The following MYRF variants were observed in gnomAD, a reference collection of about 807,000 sequenced individuals.
MYRF encodes the protein myelin gene regulatory factor.
Under a neutral mutation model 126.3 loss-of-function variants are expected in MYRF, and 16 were observed. The ratio of observed to expected loss-of-function variants is 0.13; its 90% CI spans 0.09 to 0.19. MYRF has a LOEUF of 0.19. Among genes scored for constraint, MYRF ranks in the 10% least tolerant of loss-of-function variants. MYRF has a pLI of 1.00. For synonymous variants in MYRF, 608 were observed against 635.3 expected, an observed-to-expected ratio of 0.96 and a Z score of 0.65; for missense variants, 1,104 against 1,547.0, an observed-to-expected ratio of 0.71 and a Z score of 4.80.
intron 1 of MYRF, chr11:61,755,565 G>A (rs2065728150): frequency 8.0e-7 from 1 of 1,255,688 alleles, no homozygotes; most frequent in African/African-American, 1.5e-5. Flanking sequence ...CACTGAGAGT[G>A]GGGTGACCGT....
intron 1 of MYRF, among the ~76,000 whole-genome samples, chr11:61,764,176 C>T (rs184690296): frequency 2.0e-5 from 3 of 152,262 alleles, no homozygotes; most frequent in Admixed American, 6.5e-5. Flanking sequence ...CAGCGCGTGA[C>T]TCCTAGGAGG....
chr11:61,771,628 C>T lies in MYRF; in HGVS notation c.869C>T (p.Thr290Ile), dbSNP rs761179466. 1.9e-6 allele frequency: 3 copies of T among 1,614,012 alleles called. No individual in the cohort carries two copies. Among genetic ancestry groups the T allele is most frequent in the Non-Finnish European group, 2.5e-6 (3 of 1,179,996 alleles). Residue 290 changes from threonine (T) to isoleucine (I), a missense_variant, in exon 6 of 27, where the codon ACT (threonine) becomes ATT (isoleucine). This residue lies in a region of MYRF where 368 missense variants were observed against 403.9 expected (regional missense o/e 0.91). Transcript: ENST00000278836. The stretch of plus-strand genomic sequence containing the variant: ...GTGACAGCCCTGCCTCTGCACCCCA[C>T]TCGAGCCCCATCGCCACCCTGGCCT... Reference protein sequence around the residue: ...GTVTALPLHPTRAPSPPWPPQ... With the variant: ...GTVTALPLHPIRAPSPPWPPQ...
intron 1 of MYRF, among the ~76,000 whole-genome samples, chr11:61,755,128 G>A (rs2065711294): frequency 6.6e-6 from 1 of 152,212 alleles, no homozygotes; most frequent in Non-Finnish European, 1.5e-5. Flanking sequence ...TCGGCTCTGG[G>A]CTGGGAGACT....
chr11:61,787,183 G>C lies in MYRF; in HGVS notation c.*1040G>C, dbSNP rs969827613. On this transcript the variant is annotated 3_prime_UTR_variant, in exon 27 of 27. Coordinates refer to ENST00000278836, the MANE Select transcript of MYRF (RefSeq NM_001127392.3). Reference sequence around the variant, plus strand: ...GGGCAGGAAGGAATGGAAGGATGGAGCTAGAAAGCTCAGAGTGGGCCAGAG... The same window carrying C: ...GGGCAGGAAGGAATGGAAGGATGGACCTAGAAAGCTCAGAGTGGGCCAGAG... The C allele has an allele frequency of 2.0e-5, 3 of 152,706 alleles. No individual in the cohort carries two copies. Among genetic ancestry groups the C allele is most frequent in the Non-Finnish European group, 4.4e-5 (3 of 68,070 alleles). The allele number at this position is 152,706 out of a possible 1,614,324, so 9.5% of individuals were successfully genotyped here.
rs1310134957 is a variant in MYRF at position 61,777,776 on chromosome 11, C to T, written c.1834C>T (p.Leu612=). The change falls in exon 13 of 27, where the codon CTG becomes TTG. Residue 612 remains leucine (L), a synonymous_variant. Transcript: ENST00000278836. The surrounding 1 kb of genome is among the most constrained non-coding windows in gnomAD (Gnocchi z 8.8). ...ATTGAAGAGGATCTCGCGCATGCGG[C>T]TGGTGCACTACAGATACAAGCCCGA... The part of the protein sequence containing the change: ...EQLKRISRMR[L]VHYRYKPEFA... 2 of 1,552,196 alleles carry T rather than the reference C, an allele frequency of 1.3e-6. No homozygotes were observed. The highest frequency in any genetic ancestry group is 3.9e-5 in the Admixed American group (2 of 51,184).
At chr11:61,770,123 G>T in intron 4 of MYRF, 123 bp from the exon 5 acceptor site, 8 of 1,003,606 alleles carry the variant, frequency 8.0e-6, no homozygotes, top group Non-Finnish European at 1.1e-5. Context: ...GGGTAGGTGG[G>T]GGGCAGCCCC....
chr11:61,785,912 C>A, intron 26 of MYRF, 38 bp downstream of exon 26: 1 of 1,600,570 alleles, frequency 6.2e-7, no homozygotes. Flanking sequence ...GAGGTCTGGG[C>A]ACCCCTGTCT....
chr11:61,758,639 G>A (rs1435125286), intron 1 of MYRF, among the ~76,000 whole-genome samples: 1 of 152,224 alleles, frequency 6.6e-6, no homozygotes, highest in Non-Finnish European at 1.5e-5. Flanking sequence ...CACCTGTGAA[G>A]TGTGCTGAGG....
In MYRF at chr11:61,778,438, C is replaced by T. The variant is rs779827428; in HGVS notation, c.1962C>T (p.Asp654=). 142 of 1,614,094 alleles carry T rather than the reference C, an allele frequency of 8.8e-5. No individual in the cohort carries two copies. The highest frequency in any genetic ancestry group is 5.6e-5 in the Non-Finnish European group (66 of 1,179,990). ...ILPEAVKDTG[D]MVFANGKTIE... is the part of the protein sequence containing the mutation. The stretch of plus-strand genomic sequence containing the variant: ...CTGAGGCTGTGAAAGACACCGGAGA[C>T]ATGGTCTTTGCCAATGGGAAAACCA... The change falls in exon 14 of 27, where the codon GAC becomes GAT. Residue 654 remains aspartate, a synonymous_variant. Coordinates refer to ENST00000278836, the MANE Select transcript of MYRF (RefSeq NM_001127392.3). The surrounding 1 kb of genome is among the most constrained non-coding windows in gnomAD (Gnocchi z 4.6).
In MYRF at chr11:61,765,941, G is replaced by A. The variant is rs1565285563; in HGVS notation, c.135-17G>A. On this transcript the variant is annotated splice_polypyrimidine_tract_variant and intron_variant, in intron 2 of 26. Coordinates refer to ENST00000278836, the MANE Select transcript of MYRF (RefSeq NM_001127392.3). ...CTGGGGTCCTGGCTGGAGCTGAGCC[G>A]CCCCCCTTCCCCGCAGCTGCTTCCC... The A allele has an allele frequency of 1.0e-5, 15 of 1,484,784 alleles. No individual in the cohort carries two copies. In the East Asian group the frequency reaches 2.2e-4, roughly 21 times the overall value. 92.0% of individuals were successfully genotyped at this position (1,484,784 alleles called of 1,614,324 possible).
intron 22 of MYRF, 52 bp downstream of exon 22, chr11:61,781,876 G>T: frequency 8.1e-6 from 12 of 1,485,006 alleles, no homozygotes; most frequent in Non-Finnish European, 1.1e-5. Context: ...AGGCTCACTG[G>T]CCAGGGCCCA....
rs1291356697 is a variant in MYRF, at chr11:61,783,480, T to C, written c.3017-18T>C. The C allele has an allele frequency of 6.2e-7, 1 of 1,603,668 alleles. No individual in the cohort carries two copies. Among genetic ancestry groups the C allele is most frequent in the Non-Finnish European group, 8.5e-7 (1 of 1,171,462 alleles). The stretch of plus-strand genomic sequence containing the variant: ...CTCATTTGTGTCCTGCCTTGTCACC[T>C]TACTCCTGCCCCAACAGCCTCTCTC... On this transcript the variant is annotated intron_variant, in intron 22 of 26. Coordinates refer to ENST00000278836, the MANE Select transcript of MYRF (RefSeq NM_001127392.3). The surrounding 1 kb of genome is among the most constrained non-coding windows in gnomAD (Gnocchi z 4.6).
intron 4 of MYRF, among the ~76,000 whole-genome samples, chr11:61,769,891 G>T (rs2066162354): frequency 6.6e-6 from 1 of 152,110 alleles, no homozygotes; most frequent in South Asian, 2.1e-4. Context: ...GGCAGGCCTG[G>T]GCTGGGGGTC....
chr11:61,780,045 C>A, intron 17 of MYRF, 115 bp downstream of exon 17: 1 of 1,237,970 alleles, frequency 8.1e-7, no homozygotes. Flanking sequence ...CTTGGGAGAT[C>A]AGGCAGCTGA....
chr11:61,766,024 T>C lies in MYRF; in HGVS notation c.201T>C (p.Pro67=), dbSNP rs1381503523. ...ACTCCCACGGGCAGCCTGCGATGCC[T>C]GGCTCCAGCGGGGTCCACCACCTGA... is the stretch of plus-strand genomic sequence containing the variant. The part of the protein sequence containing the change: ...ASYSHGQPAM[P]GSSGVHHLSP... Residue 67 remains proline, a synonymous_variant, in exon 3 of 27, where the codon CCT becomes CCC. Transcript: ENST00000278836. The C allele has an allele frequency of 6.3e-7, 1 of 1,589,884 alleles. No homozygotes were observed. The highest frequency in any genetic ancestry group is 8.5e-7 in the Non-Finnish European group (1 of 1,170,324).
At position 61,757,433 on chromosome 11, in the gene MYRF, T is replaced by G. The variant is rs2065790613; in HGVS notation, c.46+4643T>G. ...GGGTTTCTGGGGTGATTAGGTAAGA[T>G]TGTGCCTGGCCTGGTGAACACTCCA... On this transcript the variant is annotated intron_variant, in intron 1 of 26. Transcript: ENST00000278836. This position sits in a 1 kb window ranked among gnomAD's most constrained non-coding sequence, Gnocchi z 4.7. 2.2e-6 allele frequency: 1 copy of G among 453,204 alleles called. No homozygotes were observed. The highest frequency in any genetic ancestry group is 2.4e-5 in the Admixed American group (1 of 42,444). The allele number at this position is 453,204 out of a possible 1,614,324, so 28.1% of individuals were successfully genotyped here.
Position 61,781,838 on chromosome 11 carries a change from C to T in MYRF, c.3016+14C>T, listed in dbSNP as rs779715007. 6.0e-5 allele frequency: 91 copies of T among 1,524,794 alleles called. No homozygotes were observed. Among genetic ancestry groups the T allele is most frequent in the Non-Finnish European group, 7.4e-5 (85 of 1,142,860 alleles). The allele number at this position is 1,524,794 out of a possible 1,614,324, so 94.5% of individuals were successfully genotyped here. On this transcript the variant is annotated intron_variant, in intron 22 of 26. Transcript: ENST00000278836. ...AGGGCCAGTCAGGTACTTGCTGCAC[C>T]CCTGACACTACCCAGCCCAGCCTGG...
chr11:61,767,748 A>T (rs555642987), intron 3 of MYRF, among the ~76,000 whole-genome samples: 5 of 134,988 alleles, frequency 3.7e-5, no homozygotes, highest in African/African-American at 1.4e-4. Context: ...AGTTTGAGCC[A>T]GGGAGGTCGA....
In MYRF at chr11:61,759,074, G is replaced by A. The variant is rs184606390; in HGVS notation, c.46+6284G>A. ...GTGTGTGTGTTGGCAGTGTGCCTGC[G>A]TGGGGCCACGCCGGTGTGTAGGCAC... On this transcript the variant is annotated intron_variant, in intron 1 of 26. Coordinates refer to ENST00000278836, the MANE Select transcript of MYRF (RefSeq NM_001127392.3). Among the ~76,000 whole-genome samples the A allele has an allele frequency of 1.7e-3, 258 of 152,334 alleles. 3 individuals carry two copies. The highest frequency in any genetic ancestry group is 5.5e-3 in the African/African-American group (230 of 41,572).
Sources: allele counts gnomAD v4.1 joint callset (sites outside exome capture counted in the v4.1 genomes callset), GRCh38; gene constraint gnomAD v4.1.1; regional missense constraint gnomAD v4.1.1; non-coding constraint Gnocchi (gnomAD v3.1); transcripts MANE v1.5; gene names NCBI Gene and HGNC (gene_info 2026-07-23, HGNC 2026-07-21).